RALGPS1: variants seen among roughly 807,000 people sequenced by gnomAD.
RALGPS1 encodes the protein ras-specific guanine nucleotide-releasing factor RalGPS1.
RALGPS1 carries 19 observed loss-of-function variants against 78.8 expected under a neutral mutation model. The ratio of observed to expected loss-of-function variants is 0.24; its 90% CI spans 0.17 to 0.35. RALGPS1 has a LOEUF of 0.35. Ranked by LOEUF, RALGPS1 falls within the 10% of genes least tolerant of loss-of-function variation. The pLI, the probability that RALGPS1 is intolerant of heterozygous loss-of-function variation, is 1.00. For missense variants in RALGPS1, 454 were observed against 688.3 expected (o/e 0.66, Z 3.81); for synonymous variants, 228 against 256.3 (o/e 0.89, Z 1.06).
At chr9:127,182,654 C>A (rs2060349043) in intron 11 of RALGPS1, among the ~76,000 whole-genome samples, 1 of 152,060 alleles carries the variant, frequency 6.6e-6, no homozygotes, top group African/African-American at 2.4e-5. Context: ...CTCTTGAACT[C>A]CTGACCTCAG....
chr9:127,189,701 A>G (rs1382171154), intron 11 of RALGPS1, among the ~76,000 whole-genome samples: 2 of 152,142 alleles, frequency 1.3e-5, no homozygotes, highest in African/African-American at 4.8e-5. Flanking sequence ...ACCCCAAAGG[A>G]CAGCTCAGTA....
intron 1 of RALGPS1, among the ~76,000 whole-genome samples, chr9:126,960,942 A>G (rs1218413638): frequency 6.6e-6 from 1 of 151,850 alleles, no homozygotes; most frequent in Non-Finnish European, 1.5e-5. Context: ...CCTGTCTCTC[A>G]GTCTCTCTCC....
rs540973515 is a variant in RALGPS1 at position 127,031,915 on chromosome 9, TG to T, written c.217-2514del. ...TAGGGAAGATGTATTAAGTACCAAC[TG>T]GTTCTTGCCTGCATGATATCAGCAA... On this transcript the variant is annotated intron_variant, in intron 4 of 18. Transcript: ENST00000259351. Among the ~76,000 whole-genome samples the T allele has an allele frequency of 2.6e-5, 4 of 152,340 alleles. No individual in the cohort carries two copies. In the South Asian group the frequency reaches 8.3e-4, roughly 32 times the overall value.
At chr9:127,138,636 A>G (rs2057560193) in intron 8 of RALGPS1, among the ~76,000 whole-genome samples, 1 of 152,136 alleles carries the variant, frequency 6.6e-6, no homozygotes, top group East Asian at 1.9e-4. Flanking sequence ...AGAGCCACAG[A>G]ATCCTGTGGA....
chr9:126,980,199 A>T (rs1031206739), intron 4 of RALGPS1, among the ~76,000 whole-genome samples: 1 of 152,148 alleles, frequency 6.6e-6, no homozygotes, highest in African/African-American at 2.4e-5. Flanking sequence ...CCTCTTGGGG[A>T]TGCCTGCCAT....
chr9:127,172,658 G>A (rs2059625832), intron 10 of RALGPS1, among the ~76,000 whole-genome samples: 1 of 152,130 alleles, frequency 6.6e-6, no homozygotes, highest in Admixed American at 6.5e-5. Flanking sequence ...TTCTACTTAG[G>A]TATTCATTCA....
At position 127,196,920 on chromosome 9, in the gene RALGPS1, C is replaced by G. The variant is rs531686447; in HGVS notation, c.1195+289C>G. 2.0e-5 allele frequency among the ~76,000 whole-genome samples: 3 copies of G among 152,332 alleles called. 1 individual carries two copies. In the East Asian group the frequency reaches 5.8e-4, roughly 29 times the overall value. The stretch of plus-strand genomic sequence containing the variant: ...CAGCCAAACACATGCCTGAGACCAG[C>G]TGCCATTGGCTGGCAGCTCCCCAGA... On this transcript the variant is annotated intron_variant, in intron 13 of 18. Transcript: ENST00000259351.
At chr9:127,210,362 C>T in intron 14 of RALGPS1, 1 of 356,824 alleles carries the variant, frequency 2.8e-6, no homozygotes, top group Non-Finnish European at 5.2e-6. Context: ...ACAGTGTTTG[C>T]TATGAAACAT....
At chr9:126,941,955 G>A (rs927980408) in intron 1 of RALGPS1, among the ~76,000 whole-genome samples, 3 of 152,036 alleles carry the variant, frequency 2.0e-5, no homozygotes, top group Non-Finnish European at 4.4e-5. Flanking sequence ...TTGAACTCTG[G>A]GCTTAGTGCT....
intron 4 of RALGPS1, among the ~76,000 whole-genome samples, chr9:126,981,121 C>T (rs1434598136): frequency 2.0e-5 from 3 of 152,012 alleles, no homozygotes; most frequent in African/African-American, 4.8e-5. Context: ...GGGTATTTAG[C>T]TTGAAAAAAG....
At chr9:127,115,567 G>T (rs773607868) in intron 8 of RALGPS1, among the ~76,000 whole-genome samples, 2 of 152,208 alleles carry the variant, frequency 1.3e-5, no homozygotes, top group African/African-American at 2.4e-5. Context: ...AGATCACTTG[G>T]AAGTAAATAT....
At chr9:127,052,731 T>G in intron 6 of RALGPS1, 116 bp from the exon 7 acceptor site, 123 of 677,906 alleles carry the variant, frequency 1.8e-4, no homozygotes, top group Non-Finnish European at 2.8e-4. Flanking sequence ...GTTTTCCACA[T>G]GAGATATTTT....
At chr9:127,012,144 A>G (rs1057343264) in intron 4 of RALGPS1, among the ~76,000 whole-genome samples, 2 of 152,190 alleles carry the variant, frequency 1.3e-5, no homozygotes, top group Non-Finnish European at 2.9e-5. Flanking sequence ...TCCTGAGTGT[A>G]GGTATTGAGG....
At chr9:127,178,809 T>C (rs2140047990) in intron 11 of RALGPS1, among the ~76,000 whole-genome samples, 1 of 152,352 alleles carries the variant, frequency 6.6e-6, no homozygotes. Flanking sequence ...ACTATCTGGC[T>C]TTTACAGGCA....
intron 8 of RALGPS1, among the ~76,000 whole-genome samples, chr9:127,086,735 C>T (rs2051789838): frequency 6.6e-6 from 1 of 152,006 alleles, no homozygotes; most frequent in South Asian, 2.1e-4. Flanking sequence ...ATCTTTTAGT[C>T]TTTTCCTTTA....
At chr9:127,081,154 T>C (rs1208299317) in intron 8 of RALGPS1, among the ~76,000 whole-genome samples, 1 of 152,242 alleles carries the variant, frequency 6.6e-6, no homozygotes, top group Non-Finnish European at 1.5e-5. Flanking sequence ...AGTATGCCTA[T>C]TTTTTCCACT....
chr9:127,210,829 G>T, intron 14 of RALGPS1: 2 of 1,453,708 alleles, frequency 1.4e-6, no homozygotes, highest in Non-Finnish European at 1.9e-6. Context: ...TTGTTATGTG[G>T]CCTTTTGGAT....
chr9:126,967,671 G>A (rs973077548), intron 3 of RALGPS1, among the ~76,000 whole-genome samples: 2 of 152,074 alleles, frequency 1.3e-5, no homozygotes, highest in African/African-American at 4.8e-5. Flanking sequence ...CAAAGTGCTG[G>A]TGCTACAGGT....
chr9:126,954,747 A>G (rs2038186239), intron 1 of RALGPS1, among the ~76,000 whole-genome samples: 1 of 152,188 alleles, frequency 6.6e-6, no homozygotes, highest in African/African-American at 2.4e-5. Context: ...TGTTGCAGTG[A>G]GCCAAGATTG....
Sources: allele counts gnomAD v4.1 joint callset (sites outside exome capture counted in the v4.1 genomes callset), GRCh38; gene constraint gnomAD v4.1.1; transcripts MANE v1.5; gene names NCBI Gene and HGNC (gene_info 2026-07-23, HGNC 2026-07-21).